ZC3H15: variants seen among roughly 807,000 people sequenced by gnomAD.
The protein encoded by ZC3H15 is zinc finger CCCH domain-containing protein 15.
ZC3H15 carries 15 observed loss-of-function variants against 51.2 expected under a neutral mutation model. The observed-to-expected ratio is 0.29, with a 90% CI of 0.20 to 0.45. The LOEUF is 0.45. ZC3H15 is among the 20% of genes least tolerant of loss of function. The pLI is 1.00. For missense variants in ZC3H15, 381 were observed against 494.7 expected (o/e 0.77, Z 2.18); for synonymous variants, 144 against 162.8 (o/e 0.88, Z 0.88).
In ZC3H15 at chr2:186,509,037, T is replaced by C. The variant is rs1304862975; in HGVS notation, c.*304T>C. ...CTGCCTTTCCATCTTTTGGTTTTCA[T>C]TTGGGCATGTGCTATTACCAGAAAC... On this transcript the variant is annotated 3_prime_UTR_variant, in exon 10 of 10. Transcript: ENST00000337859. 4.0e-6 allele frequency: 2 copies of C among 503,862 alleles called. No individual in the cohort carries two copies. The highest frequency in any genetic ancestry group is 7.7e-6 in the Non-Finnish European group (2 of 258,900). The allele number at this position is 503,862 out of a possible 1,614,324, so 31.2% of individuals were successfully genotyped here. A position where few individuals can be genotyped will look rare whatever the true frequency, so the allele number is the denominator to read the frequency against.
chr2:186,487,445 A>G (rs1278899924), intron 1 of ZC3H15: 1 of 152,222 alleles, frequency 6.6e-6, no homozygotes, highest in African/African-American at 2.4e-5. Context: ...AGAAAAAGCC[A>G]TGACCATTTT....
intron 6 of ZC3H15, 89 bp from the exon 7 acceptor site, chr2:186,505,362 A>C (rs1685450811): frequency 1.4e-6 from 2 of 1,410,474 alleles, no homozygotes; most frequent in African/African-American, 2.9e-5. Context: ...AGTCATGGGC[A>C]AGGAATTAAT....
intron 2 of ZC3H15, among the ~76,000 whole-genome samples, chr2:186,498,405 T>A (rs1176301334): frequency 6.6e-6 from 1 of 152,224 alleles, no homozygotes; most frequent in South Asian, 2.1e-4. Flanking sequence ...TTATTCATCA[T>A]GAACTTGATT....
intron 2 of ZC3H15, among the ~76,000 whole-genome samples, chr2:186,496,388 T>C (rs1180493624): frequency 6.6e-6 from 1 of 152,214 alleles, no homozygotes; most frequent in Non-Finnish European, 1.5e-5. Flanking sequence ...TAGCTAATTT[T>C]TGTATTTTTT....
In ZC3H15 at chr2:186,504,446, C is replaced by G. The variant is rs1685436016; in HGVS notation, c.717+232C>G. Reference sequence around the variant, plus strand: ...GGATTGTGAAACAGTCTTTTAAGTACTAGCTAATGGCTTATCAAATTATTT... The same window carrying G: ...GGATTGTGAAACAGTCTTTTAAGTAGTAGCTAATGGCTTATCAAATTATTT... On this transcript the variant is annotated intron_variant, in intron 6 of 9. Transcript: ENST00000337859. Among the ~76,000 whole-genome samples, 3 of 152,152 alleles carry G rather than the reference C, an allele frequency of 2.0e-5. No individual in the cohort carries two copies. In the South Asian group the frequency reaches 6.2e-4, roughly 32 times the overall value.
At chr2:186,495,186 A>G (rs759739229) in intron 1 of ZC3H15, 47 bp from the exon 2 acceptor site, 3 of 1,109,916 alleles carry the variant, frequency 2.7e-6, no homozygotes, top group East Asian at 2.9e-5. Flanking sequence ...GAGGATATAT[A>G]TGGTAACATA....
At chr2:186,501,716 C>T (rs1284560280) in intron 4 of ZC3H15, among the ~76,000 whole-genome samples, 2 of 146,340 alleles carry the variant, frequency 1.4e-5, no homozygotes, top group Non-Finnish European at 3.0e-5. Flanking sequence ...GAATAATTTT[C>T]TTTTTTTTTT....
rs373604344 is a variant in ZC3H15 at position 186,486,336 on chromosome 2, C to T, written c.-47C>T. On this transcript the variant is annotated 5_prime_UTR_variant, in exon 1 of 10. It adds an upstream start codon to the 5' untranslated region. Transcript: ENST00000337859. Reference sequence around the variant, plus strand: ...CCTGCCGCAGGGCCAGAACCCCTGACGGTATTCAGCTGCGCGTAAGTCTGG... The same window carrying T: ...CCTGCCGCAGGGCCAGAACCCCTGATGGTATTCAGCTGCGCGTAAGTCTGG... 37 of 1,499,296 alleles carry T rather than the reference C, an allele frequency of 2.5e-5. No individual in the cohort carries two copies. In the African/African-American group the frequency reaches 3.8e-4, roughly 15 times the overall value. 92.9% of individuals were successfully genotyped at this position (1,499,296 alleles called of 1,614,324 possible). A position where few individuals can be genotyped will look rare whatever the true frequency, so the allele number is the denominator to read the frequency against.
intron 1 of ZC3H15, among the ~76,000 whole-genome samples, chr2:186,488,016 G>C (rs1339114860): frequency 6.6e-6 from 1 of 152,084 alleles, no homozygotes; most frequent in Non-Finnish European, 1.5e-5. Context: ...TAGCTAAAGA[G>C]AAAGCAATTT....
In ZC3H15 at chr2:186,509,126, CTGTATT is replaced by C; in HGVS notation, c.*399_*404del. Reference sequence around the variant, plus strand: ...TTTTTAATGAGTGATTTAATTTCCTCTGTATTTGTATGTTTAGAAGACTGCCTAAAA... The same window carrying C: ...TTTTTAATGAGTGATTTAATTTCCTCTGTATGTTTAGAAGACTGCCTAAAA... On this transcript the variant is annotated 3_prime_UTR_variant, in exon 10 of 10. Coordinates refer to ENST00000337859, the MANE Select transcript of ZC3H15 (RefSeq NM_018471.3). 1 of 451,842 alleles carries C rather than the reference CTGTATT, an allele frequency of 2.2e-6. No individual in the cohort carries two copies. The highest frequency in any genetic ancestry group is 1.6e-5 in the South Asian group (1 of 63,260). The allele number at this position is 451,842 out of a possible 1,614,324, so 28.0% of individuals were successfully genotyped here.
intron 1 of ZC3H15, among the ~76,000 whole-genome samples, chr2:186,493,448 G>C (rs370116851): frequency 8.5e-5 from 13 of 152,190 alleles, no homozygotes; most frequent in African/African-American, 2.9e-4. Context: ...CCCAGCTGGA[G>C]GATCTTTCTC....
chr2:186,490,591 C>G (rs1028400639), intron 1 of ZC3H15, among the ~76,000 whole-genome samples: 1 of 152,160 alleles, frequency 6.6e-6, no homozygotes, highest in African/African-American at 2.4e-5. Flanking sequence ...TGAGGGAAAA[C>G]CGTGACAGCT....
chr2:186,499,294 GTTACT>G (rs1367285938), intron 2 of ZC3H15, among the ~76,000 whole-genome samples: 3 of 61,946 alleles, frequency 4.8e-5, no homozygotes, highest in Non-Finnish European at 6.5e-5. Context: ...TTGTTATTGG[GTTACT>G]TTAAACAGTT....
At chr2:186,487,166 GTGTGTGTATA>G (rs1178109878) in intron 1 of ZC3H15, 2 of 152,124 alleles carry the variant, frequency 1.3e-5, no homozygotes, top group African/African-American at 4.8e-5. Flanking sequence ...ATACATCTAT[GTGTGTGTATA>G]TGTGTATATA....
chr2:186,493,189 T>G (rs1001165677), intron 1 of ZC3H15, among the ~76,000 whole-genome samples: 1 of 151,356 alleles, frequency 6.6e-6, no homozygotes, highest in Non-Finnish European at 1.5e-5. Context: ...AAACTAGAAG[T>G]TAAAAGTGTT....
chr2:186,508,452 G>C lies in ZC3H15; in HGVS notation c.1091-91G>C, dbSNP rs954919430. The C allele has an allele frequency of 4.6e-6, 5 of 1,096,024 alleles. No individual in the cohort carries two copies. The African/African-American group carries it at 6.4e-5, about 14-fold the overall frequency. The allele number at this position is 1,096,024 out of a possible 1,614,324, so 67.9% of individuals were successfully genotyped here. On this transcript the variant is annotated intron_variant, in intron 9 of 9. Coordinates refer to ENST00000337859, the MANE Select transcript of ZC3H15 (RefSeq NM_018471.3). ...GGCTTTCATGGAGAAAAGGAAAAGAGGAAGTGTAGTATCAGTCTATGTTGT... is the reference window on the plus strand; with the variant it reads ...GGCTTTCATGGAGAAAAGGAAAAGACGAAGTGTAGTATCAGTCTATGTTGT...
intron 2 of ZC3H15, among the ~76,000 whole-genome samples, chr2:186,498,562 A>AT (rs1685321987): frequency 6.6e-6 from 1 of 152,118 alleles, no homozygotes; most frequent in Non-Finnish European, 1.5e-5. Flanking sequence ...CTTTCAAAAC[A>AT]TTTTTTGTGT....
intron 4 of ZC3H15, among the ~76,000 whole-genome samples, chr2:186,501,927 G>C (rs565733229): frequency 2.0e-5 from 3 of 152,112 alleles, no homozygotes; most frequent in Admixed American, 6.5e-5. Flanking sequence ...GGCCAGGATG[G>C]TCTTGATCTC....
intron 1 of ZC3H15, chr2:186,487,222 C>T (rs1218029901): frequency 3.3e-5 from 5 of 152,112 alleles, no homozygotes; most frequent in Admixed American, 3.3e-4. Flanking sequence ...CACATTGAGC[C>T]TGTAGCCCTT....
Sources: allele counts gnomAD v4.1 joint callset (sites outside exome capture counted in the v4.1 genomes callset), GRCh38; gene constraint gnomAD v4.1.1; transcripts MANE v1.5; gene names NCBI Gene and HGNC (gene_info 2026-07-23, HGNC 2026-07-21).